The following MED12L variants were observed in gnomAD, a reference collection of about 807,000 sequenced individuals.
MED12L encodes mediator complex subunit 12L, also known as mediator of RNA polymerase II transcription subunit 12-like protein.
A neutral mutation model predicts 281.3 loss-of-function variants in MED12L; 60 were observed. That is an observed-to-expected ratio of 0.21 (90% CI 0.17 to 0.26). The LOEUF is 0.26. MED12L is among the 10% of genes least tolerant of loss of function. The pLI is 1.00. For synonymous variants in MED12L, 974 were observed against 987.2 expected, an observed-to-expected ratio of 0.99 and a Z score of 0.25; for missense variants, 2,146 against 2,680.9, an observed-to-expected ratio of 0.80 and a Z score of 4.41.
intron 43 of MED12L, among the ~76,000 whole-genome samples, chr3:151,428,030 T>A (rs1442094854): frequency 6.6e-6 from 1 of 152,250 alleles, no homozygotes; most frequent in Admixed American, 6.5e-5. Context: ...TCATTTATCC[T>A]ACCTGATATA....
chr3:151,423,220 T>C (rs1249645071), intron 43 of MED12L, among the ~76,000 whole-genome samples: 1 of 151,834 alleles, frequency 6.6e-6, no homozygotes, highest in African/African-American at 2.4e-5. Flanking sequence ...CTGGGGTACA[T>C]GTGCAGAATG....
At chr3:151,267,257 A>G (rs993234179) in intron 16 of MED12L, among the ~76,000 whole-genome samples, 3 of 152,176 alleles carry the variant, frequency 2.0e-5, no homozygotes, top group Admixed American at 2.0e-4. Flanking sequence ...AAAGGATTGT[A>G]CATTGTCATT....
At chr3:151,312,028 C>T (rs1023694859) in intron 16 of MED12L, among the ~76,000 whole-genome samples, 1 of 127,648 alleles carries the variant, frequency 7.8e-6, no homozygotes. Context: ...GGTGACAAAG[C>T]GAGACTCCGT....
At chr3:151,398,676 T>C (rs759578524) in intron 39 of MED12L, among the ~76,000 whole-genome samples, 38 of 152,208 alleles carry the variant, frequency 2.5e-4, no homozygotes, top group Non-Finnish European at 4.7e-4. Context: ...GCAAGAAACC[T>C]GTTTTCATTC....
At chr3:151,312,419 A>G (rs1747668612) in intron 16 of MED12L, among the ~76,000 whole-genome samples, 1 of 152,124 alleles carries the variant, frequency 6.6e-6, no homozygotes. Context: ...GGGACTTCAG[A>G]TCATTTTGTT....
intron 2 of MED12L, among the ~76,000 whole-genome samples, chr3:151,090,084 C>A (rs910603137): frequency 9.9e-5 from 15 of 152,128 alleles, no homozygotes; most frequent in African/African-American, 3.6e-4. Flanking sequence ...TAGCCACCCC[C>A]TCCCACTTAG....
chr3:151,227,169 C>G (rs1409246862), intron 16 of MED12L, among the ~76,000 whole-genome samples: 1 of 152,210 alleles, frequency 6.6e-6, no homozygotes, highest in African/African-American at 2.4e-5. Flanking sequence ...TTAAAATTGG[C>G]TGAATGGTGT....
intron 16 of MED12L, among the ~76,000 whole-genome samples, chr3:151,219,038 T>G (rs973865074): frequency 6.6e-6 from 1 of 152,190 alleles, no homozygotes; most frequent in African/African-American, 2.4e-5. Context: ...TTGGAGACTT[T>G]GGTAACATAA....
chr3:151,143,493 A>C (rs546347518), intron 5 of MED12L, among the ~76,000 whole-genome samples: 1 of 152,320 alleles, frequency 6.6e-6, no homozygotes, highest in South Asian at 2.1e-4. Context: ...AGAAGCTGGG[A>C]GAGGAGGTGA....
intron 4 of MED12L, among the ~76,000 whole-genome samples, chr3:151,123,856 T>C (rs532600596): frequency 6.6e-6 from 1 of 152,242 alleles, no homozygotes; most frequent in South Asian, 2.1e-4. Flanking sequence ...TAGCTTCCAT[T>C]GGCTTTATTT....
Position 151,383,859 on chromosome 3 carries a change from T to C in MED12L, c.4761T>C (p.Thr1587=). ...DWALLLLQII[T]SGTVDMHTNN... is the part of the protein sequence containing the mutation. ...CCCTGCTACTCCTTCAGATCATTAC[T>C]TCAGGAACTGTTGACATGCACACTA... The change falls in exon 34 of 45, where the codon ACT becomes ACC. Residue 1587 remains threonine (T), a synonymous_variant. Coordinates refer to ENST00000687756, the MANE Select transcript of MED12L (RefSeq NM_001393769.1). 5 of 1,613,960 alleles carry C rather than the reference T, an allele frequency of 3.1e-6. No individual in the cohort carries two copies. The highest frequency in any genetic ancestry group is 2.5e-6 in the Non-Finnish European group (3 of 1,179,878).
intron 31 of MED12L, among the ~76,000 whole-genome samples, chr3:151,379,622 C>G (rs1368923242): frequency 6.6e-6 from 1 of 152,140 alleles, no homozygotes; most frequent in Admixed American, 6.5e-5. Flanking sequence ...CTACTAACAC[C>G]CTGCTTTTTG....
At chr3:151,304,662 A>G (rs1274539140) in intron 16 of MED12L, among the ~76,000 whole-genome samples, 2 of 151,762 alleles carry the variant, frequency 1.3e-5, no homozygotes, top group East Asian at 3.9e-4. Context: ...GAGTGTATAG[A>G]GCAAGGATTT....
intron 16 of MED12L, 161 bp downstream of exon 16, chr3:151,193,827 TG>T (rs2149108941): frequency 1.8e-6 from 1 of 553,470 alleles, no homozygotes; most frequent in Non-Finnish European, 3.1e-6. Flanking sequence ...CTTAAGCTTA[TG>T]TACTGAGGTT....
At chr3:151,408,314 T>C (rs1030073876) in intron 39 of MED12L, among the ~76,000 whole-genome samples, 2 of 152,232 alleles carry the variant, frequency 1.3e-5, no homozygotes, top group African/African-American at 4.8e-5. Flanking sequence ...TTAAGCTACA[T>C]ATTTATCCCT....
intron 16 of MED12L, among the ~76,000 whole-genome samples, chr3:151,272,081 TTGTAATGTGTG>T (rs1323651646): frequency 2.6e-5 from 4 of 152,116 alleles, no homozygotes; most frequent in African/African-American, 9.7e-5. Flanking sequence ...ACAGAGCAGA[TTGTAATGTGTG>T]TGTAAATGGT....
At chr3:151,397,143 A>G (rs762237468) in intron 39 of MED12L, among the ~76,000 whole-genome samples, 17 of 152,122 alleles carry the variant, frequency 1.1e-4, no homozygotes, top group Non-Finnish European at 2.1e-4. Context: ...CTCTTTTTAA[A>G]CTTTTAAGAC....
At chr3:151,174,395 A>G (rs1721794459) in intron 11 of MED12L, among the ~76,000 whole-genome samples, 1 of 152,216 alleles carries the variant, frequency 6.6e-6, no homozygotes, top group Non-Finnish European at 1.5e-5. Context: ...TAGAAGAATC[A>G]TTTTTTGTTA....
intron 2 of MED12L, among the ~76,000 whole-genome samples, chr3:151,106,059 A>G (rs1721974148): frequency 6.6e-6 from 1 of 151,968 alleles, no homozygotes; most frequent in South Asian, 2.1e-4. Flanking sequence ...ATCTTGGTCC[A>G]AGCTACTATT....
Sources: gnomAD v4.1 joint callset for allele counts (sites outside exome capture counted in the v4.1 genomes callset) on GRCh38, gnomAD v4.1.1 for gene constraint, MANE v1.5 for transcripts, NCBI Gene and HGNC (gene_info 2026-07-23, HGNC 2026-07-21) for gene names.